The following MPHOSPH9 variants were observed in gnomAD, a reference collection of about 807,000 sequenced individuals.
MPHOSPH9 encodes the protein M-phase phosphoprotein 9.
Under a neutral mutation model 145.5 loss-of-function variants are expected in MPHOSPH9, and 88 were observed. The observed-to-expected ratio is 0.60, with a 90% CI of 0.51 to 0.72. The LOEUF (loss-of-function observed/expected upper bound fraction) is 0.72, where lower values mean the gene tolerates loss of function less well. Ranked by LOEUF, MPHOSPH9 falls within the 30% of genes least tolerant of loss-of-function variation. MPHOSPH9 has a pLI of 0.00. For missense variants in MPHOSPH9, 1,238 were observed against 1,386.6 expected (o/e 0.89, Z 1.70); for synonymous variants, 435 against 486.2 (o/e 0.89, Z 1.39).
At chr12:123,241,622 G>A (rs964396914) in intron 1 of MPHOSPH9, among the ~76,000 whole-genome samples, 4 of 152,030 alleles carry the variant, frequency 2.6e-5, no homozygotes, top group African/African-American at 4.8e-5. Context: ...TTACAGGCAC[G>A]AACCACCATG....
intron 2 of MPHOSPH9, 149 bp downstream of exon 2, chr12:123,230,112 G>A (rs1294766454): frequency 1.7e-5 from 9 of 526,948 alleles, no homozygotes; most frequent in Admixed American, 3.7e-5. Flanking sequence ...ATGAGCCACC[G>A]CGCCCAGCCT....
intron 4 of MPHOSPH9, 56 bp downstream of exon 4, chr12:123,222,974 GTGTGTGTA>G (rs1423399353): frequency 1.8e-5 from 14 of 772,024 alleles, no homozygotes; most frequent in Non-Finnish European, 2.6e-5. Context: ...GTGTGTGTGT[GTGTGTGTA>G]TATGTACGTA....
intron 13 of MPHOSPH9, among the ~76,000 whole-genome samples, chr12:123,185,570 C>T (rs1003322076): frequency 2.6e-5 from 4 of 151,878 alleles, no homozygotes; most frequent in African/African-American, 7.3e-5. Flanking sequence ...ATAGTGAGAC[C>T]GCATCTCTAC....
upstream of MPHOSPH9, among the ~76,000 whole-genome samples, chr12:123,235,452 C>T (rs2047831076): frequency 6.6e-6 from 1 of 151,972 alleles, no homozygotes; most frequent in Admixed American, 6.6e-5. Context: ...GCAAGCTCCG[C>T]CCCCCAGGTT....
At chr12:123,197,113 C>T (rs531745965) in intron 12 of MPHOSPH9, among the ~76,000 whole-genome samples, 120 of 127,100 alleles carry the variant, frequency 9.4e-4, no homozygotes, top group Admixed American at 4.1e-3. Flanking sequence ...TCTAAATATA[C>T]TAAAATTCAT....
rs1212369779 is a variant in MPHOSPH9, at chr12:123,218,886, G to GTA, written c.873-388_873-387insTA. ...CACCAGTTGCTTTCAGTTGTTGTGT[G>GTA]TGTGGTTTTTGTTTGTTTGTTTGTT... On this transcript the variant is annotated intron_variant, in intron 5 of 23. Coordinates refer to ENST00000606320, the MANE Select transcript of MPHOSPH9 (RefSeq NM_022782.4). Among the ~76,000 whole-genome samples, 13 of 111,900 alleles carry GTA rather than the reference G, an allele frequency of 1.2e-4. No individual in the cohort carries two copies. The East Asian group carries it at 2.6e-3, about 22-fold the overall frequency. The allele number at this position is 111,900 out of a possible 152,430, so 73.4% of individuals were successfully genotyped here.
upstream of MPHOSPH9, among the ~76,000 whole-genome samples, chr12:123,236,177 G>C (rs1208174528): frequency 6.6e-6 from 1 of 152,188 alleles, no homozygotes; most frequent in Non-Finnish European, 1.5e-5. Context: ...ACAAGGTGTA[G>C]AAAGGATAAT....
At chr12:123,181,730 T>TA (rs530430763) in intron 13 of MPHOSPH9, among the ~76,000 whole-genome samples, 20 of 150,198 alleles carry the variant, frequency 1.3e-4, no homozygotes, top group Admixed American at 7.3e-4. Flanking sequence ...GACCCCGTCT[T>TA]AAAAAAAAAT....
At chr12:123,234,368 C>T (rs2047797632), upstream of MPHOSPH9, among the ~76,000 whole-genome samples, 1 of 149,230 alleles carries the variant, frequency 6.7e-6, no homozygotes, top group Non-Finnish European at 1.5e-5. Context: ...GTATACCTAC[C>T]AATTTTTTTT....
rs773957506 is a variant in MPHOSPH9, at chr12:123,164,005, C to T, written c.2853G>A (p.Ser951=). The T allele has an allele frequency of 1.9e-6, 3 of 1,613,724 alleles. No individual in the cohort carries two copies. The highest frequency in any genetic ancestry group is 1.3e-5 in the African/African-American group (1 of 74,808). The change falls in exon 19 of 24, where the codon TCG becomes TCA. Residue 951 remains serine (S), a synonymous_variant. Transcript: ENST00000606320. Reference sequence around the variant, plus strand: ...GTAAAGATGATGATCTCTGTGAGGCCGAATTAAGTCTCTTTTGTCTCTGTT... The same window carrying T: ...GTAAAGATGATGATCTCTGTGAGGCTGAATTAAGTCTCTTTTGTCTCTGTT... The part of the protein sequence containing the change: ...CAQQRQKRLN[S]ASQRSSSLPP...
intron 6 of MPHOSPH9, 100 bp from the exon 7 acceptor site, chr12:123,214,934 C>A: frequency 2.1e-6 from 2 of 947,672 alleles, no homozygotes; most frequent in South Asian, 1.4e-5. Flanking sequence ...TGGGGAGAAA[C>A]CTTCAGAGGG....
At position 123,194,492 on chromosome 12, in the gene MPHOSPH9, C is replaced by A; in HGVS notation, c.2135G>T (p.Arg712Leu). 2 of 1,611,676 alleles carry A rather than the reference C, an allele frequency of 1.2e-6. No homozygotes were observed. The highest frequency in any genetic ancestry group is 2.2e-5 in the South Asian group (2 of 90,462). The change falls in exon 13 of 24, where the codon CGA becomes CTA. Residue 712 changes from arginine to leucine, a missense_variant. Physicochemically the swap from Arg to Leu is moderately radical, Grantham distance 102. Transcript: ENST00000606320. ...SSKEKDNTIIRLKSRLQDLEE... is the reference protein window; with the variant it reads ...SSKEKDNTIILLKSRLQDLEE... The stretch of plus-strand genomic sequence containing the variant: ...TAAATCTTGCAGTCTAGATTTTAGT[C>A]GAATGATGGTATTGTCTTTTTCTTT...
In MPHOSPH9 at chr12:123,173,668, T is replaced by TC. The variant is rs2044693130; in HGVS notation, c.2456+3019_2456+3020insG. ...GCCCAAAAGGACAGGGCTCCAGAGCTTCTGGAGAGCTGAACAAGAGCTCAT... is the reference window on the plus strand; with the variant it reads ...GCCCAAAAGGACAGGGCTCCAGAGCTCTCTGGAGAGCTGAACAAGAGCTCAT... On this transcript the variant is annotated intron_variant, in intron 16 of 23. Coordinates refer to ENST00000606320, the MANE Select transcript of MPHOSPH9 (RefSeq NM_022782.4). Among the ~76,000 whole-genome samples the TC allele has an allele frequency of 6.6e-5, 10 of 152,306 alleles. No individual in the cohort carries two copies. In the South Asian group the frequency reaches 2.1e-3, roughly 32 times the overall value.
intron 16 of MPHOSPH9, among the ~76,000 whole-genome samples, chr12:123,168,308 C>G (rs1323735107): frequency 6.6e-6 from 1 of 152,100 alleles, no homozygotes; most frequent in East Asian, 1.9e-4. Flanking sequence ...AGCGGACACC[C>G]CAAACCGCCT....
chr12:123,233,718 C>T (rs1459710235), upstream of MPHOSPH9: 1 of 152,304 alleles, frequency 6.6e-6, no homozygotes, highest in Non-Finnish European at 1.5e-5. Flanking sequence ...GCTCAGTTTT[C>T]TCGGGACCTG....
At chr12:123,213,920 C>T (rs1021828918) in intron 7 of MPHOSPH9, among the ~76,000 whole-genome samples, 12 of 152,086 alleles carry the variant, frequency 7.9e-5, no homozygotes, top group Admixed American at 6.6e-5. Context: ...AAGACAGTAG[C>T]AACCCAGGTG....
At chr12:123,170,149 T>A (rs936685206) in intron 16 of MPHOSPH9, among the ~76,000 whole-genome samples, 1 of 140,270 alleles carries the variant, frequency 7.1e-6, no homozygotes, top group East Asian at 2.1e-4. Context: ...CACACCCAGC[T>A]TTTTTTTTTT....
intron 7 of MPHOSPH9, among the ~76,000 whole-genome samples, chr12:123,212,643 G>GGAGGTTACAGTAAGCC (rs1169059604): frequency 2.1e-5 from 3 of 145,502 alleles, no homozygotes; most frequent in Non-Finnish European, 4.5e-5. Context: ...TCTGGCAAGC[G>GGAGGTTACAGTAAGCC]GAGGTTACAG....
chr12:123,223,153 T>A, intron 3 of MPHOSPH9, 26 bp from the exon 4 acceptor site: 1 of 1,269,792 alleles, frequency 7.9e-7, no homozygotes, highest in Non-Finnish European at 1.0e-6. Flanking sequence ...ATATTTTAGT[T>A]AAAAATAATT....
Sources: allele counts gnomAD v4.1 joint callset (sites outside exome capture counted in the v4.1 genomes callset), GRCh38; gene constraint gnomAD v4.1.1; transcripts MANE v1.5; gene names NCBI Gene and HGNC (gene_info 2026-07-23, HGNC 2026-07-21).